Variants in SETD6 observed in about 807,000 individuals in gnomAD.
The protein encoded by SETD6 is SET domain containing 6, protein lysine methyltransferase, also known as N-lysine methyltransferase SETD6.
SETD6 carries 67 observed loss-of-function variants against 52.7 expected under a neutral mutation model. That is an observed-to-expected ratio of 1.27 (90% confidence interval 1.04 to 1.56). The LOEUF (loss-of-function observed/expected upper bound fraction) is 1.56, where lower values mean the gene tolerates loss of function less well. Among genes scored for constraint, SETD6 ranks in the 40% most tolerant of loss-of-function variants. SETD6 has a pLI of 0.00. For missense variants in SETD6, 712 were observed against 607.5 expected (o/e 1.17, Z -1.81); for synonymous variants, 307 against 250.2 (o/e 1.23, Z -2.14).
chr16:58,516,782 C>T, intron 4 of SETD6, 26 bp from the exon 5 acceptor site: 2 of 1,614,100 alleles, frequency 1.2e-6, no homozygotes, highest in Non-Finnish European at 1.7e-6. Flanking sequence ...CAAGACAGGG[C>T]CTTAGCCAGG....
Position 58,523,206 on chromosome 16 carries a change from C to A in SETD6, c.*4177C>A. 1.8e-6 allele frequency: 1 copy of A among 570,578 alleles called. No individual in the cohort carries two copies. Among genetic ancestry groups the A allele is most frequent in the South Asian group, 4.4e-5 (1 of 22,750 alleles). 35.3% of individuals were successfully genotyped at this position (570,578 alleles called of 1,614,324 possible). A position where few individuals can be genotyped will look rare whatever the true frequency, so the allele number is the denominator to read the frequency against. ...GTTGCAGTGAGCCAAGATGGCGCCA[C>A]TGTACTGCAGACTGAGTGACAGAGC... On this transcript the variant is annotated 3_prime_UTR_variant, in exon 8 of 8. Coordinates refer to ENST00000219315, the MANE Select transcript of SETD6 (RefSeq NM_001160305.4).
rs1597382216 is a variant in SETD6 at position 58,519,212 on chromosome 16, C to G, written c.*183C>G. The stretch of plus-strand genomic sequence containing the variant: ...GGGTGATGTGTTTTAGGATTGAGAA[C>G]AGCAGACTTGGGAATCACTGCTAAT... On this transcript the variant is annotated 3_prime_UTR_variant, in exon 8 of 8. Coordinates refer to ENST00000219315, the MANE Select transcript of SETD6 (RefSeq NM_001160305.4). 3 of 601,882 alleles carry G rather than the reference C, an allele frequency of 5.0e-6. No homozygotes were observed. Among genetic ancestry groups the G allele is most frequent in the Non-Finnish European group, 8.6e-6 (3 of 350,644 alleles). 37.3% of individuals were successfully genotyped at this position (601,882 alleles called of 1,614,324 possible). A position where few individuals can be genotyped will look rare whatever the true frequency, so the allele number is the denominator to read the frequency against.
intron 1 of SETD6, 51 bp from the exon 2 acceptor site, chr16:58,515,740 C>T: frequency 7.0e-7 from 1 of 1,422,194 alleles, no homozygotes; most frequent in Non-Finnish European, 9.2e-7. Flanking sequence ...CCTGCAGTTC[C>T]CAGCGGCCTC....
Position 58,523,697 on chromosome 16 carries a change from A to G in SETD6, c.*4668A>G. On this transcript the variant is annotated 3_prime_UTR_variant, in exon 8 of 8. Coordinates refer to ENST00000219315, the MANE Select transcript of SETD6 (RefSeq NM_001160305.4). ...CAGAATTTTCCACATTAGAAATTAG[A>G]TTTTAAAAATATTCATTTTTAAAAA... 2.2e-6 allele frequency: 1 copy of G among 457,536 alleles called. No homozygotes were observed. The highest frequency in any genetic ancestry group is 3.2e-5 in the East Asian group (1 of 30,796). The allele number at this position is 457,536 out of a possible 1,614,324, so 28.3% of individuals were successfully genotyped here.
intron 5 of SETD6, chr16:58,517,393 T>C (rs754646182): frequency 1.1e-5 from 2 of 181,188 alleles, no homozygotes; most frequent in Non-Finnish European, 2.4e-5. Flanking sequence ...AGATGGCACA[T>C]TTATAGGATC....
rs184660345 is a variant in SETD6 at position 58,523,548 on chromosome 16, A to T, written c.*4519A>T. The T allele has an allele frequency of 1.4e-5, 22 of 1,593,814 alleles. No homozygotes were observed. In the South Asian group the frequency reaches 2.1e-4, roughly 15 times the overall value. On this transcript the variant is annotated 3_prime_UTR_variant, in exon 8 of 8. Coordinates refer to ENST00000219315, the MANE Select transcript of SETD6 (RefSeq NM_001160305.4). Reference sequence around the variant, plus strand: ...ACTTAGGACTTAGTCTGAAAGGCCAACATGGGAAGACAGTTCTAACTGGCT... The same window carrying T: ...ACTTAGGACTTAGTCTGAAAGGCCATCATGGGAAGACAGTTCTAACTGGCT...
chr16:58,518,618 G>A lies in SETD6; in HGVS notation c.1116+75G>A, dbSNP rs1411806902. 3.8e-6 allele frequency: 5 copies of A among 1,310,484 alleles called. No homozygotes were observed. In the Admixed American group the frequency reaches 6.6e-5, roughly 17 times the overall value. The allele number at this position is 1,310,484 out of a possible 1,614,324, so 81.2% of individuals were successfully genotyped here. On this transcript the variant is annotated intron_variant, in intron 7 of 7. Transcript: ENST00000219315. ...GCAAAATAGCTAGAAGATGAGAGAG[G>A]AAATGTGGGATTTTTAATAAATGCT...
intron 1 of SETD6, 60 bp from the exon 2 acceptor site, chr16:58,515,731 C>G (rs2039102359): frequency 1.4e-6 from 2 of 1,418,892 alleles, no homozygotes; most frequent in African/African-American, 3.0e-5. Flanking sequence ...CCGCGGTCTC[C>G]TGCAGTTCCC....
intron 2 of SETD6, 27 bp downstream of exon 2, chr16:58,516,124 T>TAGGGCGGGGC (rs755148105): frequency 1.9e-5 from 8 of 411,690 alleles, no homozygotes; most frequent in African/African-American, 1.3e-4. Context: ...GCTAGGGCCC[T>TAGGGCGGGGC]GGGGCGGGGC....
chr16:58,515,942 C>A lies in SETD6; in HGVS notation c.179C>A (p.Pro60His). 6.6e-7 allele frequency: 1 copy of A among 1,522,834 alleles called. No homozygotes were observed. The highest frequency in any genetic ancestry group is 8.7e-7 in the Non-Finnish European group (1 of 1,143,342). The allele number at this position is 1,522,834 out of a possible 1,614,324, so 94.3% of individuals were successfully genotyped here. A position where few individuals can be genotyped will look rare whatever the true frequency, so the allele number is the denominator to read the frequency against. ...GGGGCGCGGGCTGCCCTGACCAGCC[C>A]TCCTGCTCAGGTGGCGGTCAGCCGG... ...RGGARAALTSPPAQVAVSRQG... is the reference protein window; with the variant it reads ...RGGARAALTSHPAQVAVSRQG... Residue 60 changes from proline to histidine, a missense_variant, in exon 2 of 8, where the codon CCT (proline) becomes CAT (histidine). By Grantham distance (77) the Pro-to-His change is moderately conservative. Transcript: ENST00000219315.
rs1403736294 is a variant in SETD6 at position 58,520,917 on chromosome 16, A to G, written c.*1888A>G. 3 of 1,586,016 alleles carry G rather than the reference A, an allele frequency of 1.9e-6. No homozygotes were observed. In the Admixed American group the frequency reaches 5.0e-5, roughly 26 times the overall value. On this transcript the variant is annotated 3_prime_UTR_variant, in exon 8 of 8. Transcript: ENST00000219315. ...GTCAGTTTATGAACTCGGTGCAGTGAGACCTCTAGACTGACACGTACAACA... is the reference window on the plus strand; with the variant it reads ...GTCAGTTTATGAACTCGGTGCAGTGGGACCTCTAGACTGACACGTACAACA...
chr16:58,521,130 G>GT lies in SETD6; in HGVS notation c.*2105dup. The GT allele has an allele frequency of 6.2e-7, 1 of 1,612,602 alleles. No homozygotes were observed. Among genetic ancestry groups the GT allele is most frequent in the South Asian group, 1.1e-5 (1 of 91,030 alleles). On this transcript the variant is annotated 3_prime_UTR_variant, in exon 8 of 8. Coordinates refer to ENST00000219315, the MANE Select transcript of SETD6 (RefSeq NM_001160305.4). The stretch of plus-strand genomic sequence containing the variant: ...AGCTGACCCAACCTAGAGACAGATG[G>GT]TTTTCAGTCTCCAGTCTCATTCCTA...
Position 58,520,839 on chromosome 16 carries a change from T to TACCCACAA in SETD6, c.*1814_*1821dup. 1 of 1,012,024 alleles carries TACCCACAA rather than the reference T, an allele frequency of 9.9e-7. No homozygotes were observed. Among genetic ancestry groups the TACCCACAA allele is most frequent in the Non-Finnish European group, 1.5e-6 (1 of 662,720 alleles). 62.7% of individuals were successfully genotyped at this position (1,012,024 alleles called of 1,614,324 possible). A position where few individuals can be genotyped will look rare whatever the true frequency, so the allele number is the denominator to read the frequency against. On this transcript the variant is annotated 3_prime_UTR_variant, in exon 8 of 8. Transcript: ENST00000219315. The stretch of plus-strand genomic sequence containing the variant: ...TGATCCCAACAGTAGTTGGGGCAGA[T>TACCCACAA]ACCCACAAACCAAAGGGCTGGGAAA...
intron 4 of SETD6, 43 bp from the exon 5 acceptor site, chr16:58,516,765 C>T: frequency 6.2e-7 from 1 of 1,612,790 alleles, no homozygotes; most frequent in South Asian, 1.1e-5. Flanking sequence ...ACCCCCAGTC[C>T]CTCACCCAAG....
rs1273242892 is a variant in SETD6, at chr16:58,520,708, G to A, written c.*1679G>A. 11 of 511,452 alleles carry A rather than the reference G, an allele frequency of 2.2e-5. No individual in the cohort carries two copies. The East Asian group carries it at 3.0e-4, about 14-fold the overall frequency. 31.7% of individuals were successfully genotyped at this position (511,452 alleles called of 1,614,324 possible). ...TCCAGACAAAGGTTTTCTCTTTCAT[G>A]TATTTACACAAGTTCAAAATGATAT... On this transcript the variant is annotated 3_prime_UTR_variant, in exon 8 of 8. Coordinates refer to ENST00000219315, the MANE Select transcript of SETD6 (RefSeq NM_001160305.4).
rs2039452948 is a variant in SETD6, at chr16:58,522,881, A to G, written c.*3852A>G. 6.6e-6 allele frequency: 1 copy of G among 152,280 alleles called. No individual in the cohort carries two copies. The highest frequency in any genetic ancestry group is 1.5e-5 in the Non-Finnish European group (1 of 68,080). 9.4% of individuals were successfully genotyped at this position (152,280 alleles called of 1,614,324 possible). Reference sequence around the variant, plus strand: ...ATAAATGTCCATCAGAATGAGTATTAAGAGGGCAGGAACCATCCATTTTGC... The same window carrying G: ...ATAAATGTCCATCAGAATGAGTATTGAGAGGGCAGGAACCATCCATTTTGC... On this transcript the variant is annotated 3_prime_UTR_variant, in exon 8 of 8. Transcript: ENST00000219315.
Position 58,516,793 on chromosome 16 carries a change from TTC to T in SETD6, c.672-13_672-12del. ...CACCCAAGACAGGGCCTTAGCCAGG[TTC>T]TGTCAATGGCAGCTTTCAGGAACCA... On this transcript the variant is annotated splice_polypyrimidine_tract_variant and intron_variant, in intron 4 of 7. Transcript: ENST00000219315. 6.2e-7 allele frequency: 1 copy of T among 1,614,152 alleles called. No individual in the cohort carries two copies. The highest frequency in any genetic ancestry group is 8.5e-7 in the Non-Finnish European group (1 of 1,180,022).
chr16:58,515,722 C>G (rs1027540368), intron 1 of SETD6, 69 bp from the exon 2 acceptor site: 6 of 1,405,068 alleles, frequency 4.3e-6, no homozygotes, highest in Non-Finnish European at 5.5e-6. Context: ...GCGCTCGCGC[C>G]GCGGTCTCCT....
chr16:58,518,643 T>TA, intron 7 of SETD6, 81 bp from the exon 8 acceptor site: 2 of 1,583,120 alleles, frequency 1.3e-6, no homozygotes, highest in Non-Finnish European at 1.7e-6. Context: ...TAATAAATGC[T>TA]AAGATGAGTT....
Sources: allele counts gnomAD v4.1 joint callset, GRCh38; gene constraint gnomAD v4.1.1; transcripts MANE v1.5; gene names NCBI Gene and HGNC (gene_info 2026-07-23, HGNC 2026-07-21).